Variants in ABR observed in about 807,000 individuals in gnomAD.
The protein encoded by ABR is active breakpoint cluster region-related protein.
Under a neutral mutation model 107.2 loss-of-function variants are expected in ABR, and 35 were observed. The ratio of observed to expected loss-of-function variants is 0.33; its 90% CI spans 0.25 to 0.43. The LOEUF (loss-of-function observed/expected upper bound fraction) is 0.43, where lower values mean the gene tolerates loss of function less well. Ranked by LOEUF, ABR falls within the 20% of genes least tolerant of loss-of-function variation. The probability of loss-of-function intolerance (pLI) is 1.00; values close to 1 mark genes in which losing one functional copy is unlikely to be tolerated. For missense variants in ABR, 815 were observed against 1,115.2 expected, an observed-to-expected ratio of 0.73 and a Z score of 3.83; for synonymous variants, 498 against 462.0, an observed-to-expected ratio of 1.08 and a Z score of -1.00.
In ABR at chr17:1,117,996, C is replaced by T. The variant is rs1390130384; in HGVS notation, c.246+7187G>A. Among the ~76,000 whole-genome samples, 3 of 86,060 alleles carry T rather than the reference C, an allele frequency of 3.5e-5. No individual in the cohort carries two copies. The East Asian group carries it at 8.7e-4, about 25-fold the overall frequency. 56.5% of individuals were successfully genotyped at this position (86,060 alleles called of 152,430 possible). On this transcript the variant is annotated intron_variant, in intron 2 of 22. Transcript: ENST00000302538. ...ATCCCTGAGCCTGAGTTCCTCCCAG[C>T]GTTATCCCTGAGCCTGAGTTCTCCC...
chr17:1,128,210 AG>A (rs1228871576), intron 1 of ABR, among the ~76,000 whole-genome samples: 1 of 152,190 alleles, frequency 6.6e-6, no homozygotes, highest in Non-Finnish European at 1.5e-5. Context: ...AACCAGGAAA[AG>A]GGGTACAGAA....
intron 1 of ABR, among the ~76,000 whole-genome samples, chr17:1,142,520 T>C (rs935083900): frequency 7.3e-5 from 11 of 150,636 alleles, no homozygotes; most frequent in Admixed American, 6.0e-4. Context: ...GGGAGGCGGA[T>C]GTTGCAGTGA....
intron 1 of ABR, among the ~76,000 whole-genome samples, chr17:1,208,023 G>A (rs1295636686): frequency 3.9e-5 from 6 of 152,018 alleles, no homozygotes; most frequent in Admixed American, 2.0e-4. Flanking sequence ...CACCCGCTTC[G>A]GCCTCCCAAA....
chr17:1,073,060 G>A (rs2035375123), intron 7 of ABR, among the ~76,000 whole-genome samples: 1 of 151,600 alleles, frequency 6.6e-6, no homozygotes, highest in African/African-American at 2.4e-5. Context: ...GGCGCCTGTA[G>A]TCCCAGCTAC....
At chr17:1,142,380 T>A (rs1597955179) in intron 1 of ABR, among the ~76,000 whole-genome samples, 2 of 151,410 alleles carry the variant, frequency 1.3e-5, no homozygotes, top group Admixed American at 6.6e-5. Flanking sequence ...AAGTCGAGAG[T>A]TCGAGACCAG....
At chr17:1,058,134 A>AACTT in intron 11 of ABR, 89 bp from the exon 12 acceptor site, 3 of 471,544 alleles carry the variant, frequency 6.4e-6, no homozygotes, top group Non-Finnish European at 1.0e-5. Flanking sequence ...AGCTCCTTTT[A>AACTT]TCTTTTTTTT....
chr17:1,052,397 G>A (rs2032680418), intron 14 of ABR, among the ~76,000 whole-genome samples: 1 of 135,402 alleles, frequency 7.4e-6, no homozygotes, highest in Admixed American at 7.3e-5. Flanking sequence ...GGGCTCACAG[G>A]GTCAGAGGGA....
At chr17:1,065,819 C>G (rs2034672966) in intron 10 of ABR, among the ~76,000 whole-genome samples, 1 of 147,656 alleles carries the variant, frequency 6.8e-6, no homozygotes, top group South Asian at 2.2e-4. Flanking sequence ...AATCTCAGCT[C>G]AATGCAACCT....
At chr17:1,142,853 G>C (rs2040345986) in intron 1 of ABR, among the ~76,000 whole-genome samples, 1 of 152,154 alleles carries the variant, frequency 6.6e-6, no homozygotes, top group African/African-American at 2.4e-5. Flanking sequence ...GCCACTGGGA[G>C]CACAGACAGC....
intron 16 of ABR, among the ~76,000 whole-genome samples, chr17:1,030,285 A>G (rs1244393760): frequency 6.6e-6 from 1 of 152,232 alleles, no homozygotes; most frequent in Non-Finnish European, 1.5e-5. Flanking sequence ...GGTAAACTGG[A>G]AGCGCCCTGT....
At chr17:1,013,029 G>A (rs2070765202) in intron 17 of ABR, 76 bp downstream of exon 17, 1 of 1,548,360 alleles carries the variant, frequency 6.5e-7, no homozygotes, top group Non-Finnish European at 8.9e-7. Flanking sequence ...GCAGCCACAG[G>A]GCCGGGCTGC....
intron 1 of ABR, among the ~76,000 whole-genome samples, chr17:1,147,811 C>G (rs2151518141): frequency 6.6e-6 from 1 of 152,352 alleles, no homozygotes; most frequent in Middle Eastern, 3.4e-3. Context: ...TCTCCTAACC[C>G]CACCCACGCC....
At chr17:1,031,656 G>A in intron 16 of ABR, 1 of 1,258,888 alleles carries the variant, frequency 7.9e-7, no homozygotes, top group Non-Finnish European at 1.0e-6. Flanking sequence ...GGTGTTGGGG[G>A]GGCGCTTGCT....
rs190061719 is a variant in ABR at position 1,132,503 on chromosome 17, C to T, written c.62-7136G>A. Among the ~76,000 whole-genome samples, 511 of 151,902 alleles carry T rather than the reference C, an allele frequency of 3.4e-3. 3 individuals carry two copies. The highest frequency in any genetic ancestry group is 0.012 in the African/African-American group (482 of 41,420). ...AAGCGATTCTCCCGTCTCAGCCTCC[C>T]GAGTAGCTGGGATTATAGGCATGCA... On this transcript the variant is annotated intron_variant, in intron 1 of 22. Transcript: ENST00000302538.
chr17:1,081,515 G>A (rs2036236336), intron 5 of ABR, among the ~76,000 whole-genome samples: 1 of 152,216 alleles, frequency 6.6e-6, no homozygotes, highest in African/African-American at 2.4e-5. Flanking sequence ...TGGGTAAGAG[G>A]CGTGGGCTCT....
chr17:1,205,721 G>A (rs1405314945), intron 1 of ABR, among the ~76,000 whole-genome samples: 2 of 152,230 alleles, frequency 1.3e-5, no homozygotes, highest in African/African-American at 2.4e-5. Flanking sequence ...CAGGCGGGCA[G>A]ATCACAAGAT....
chr17:1,189,489 G>A (rs865913140), upstream of ABR, among the ~76,000 whole-genome samples: 2 of 152,052 alleles, frequency 1.3e-5, no homozygotes, highest in South Asian at 4.2e-4. Flanking sequence ...ACTGCTGTCG[G>A]GATAGAGACC....
At chr17:1,055,108 C>A (rs899573220) in intron 14 of ABR, among the ~76,000 whole-genome samples, 9 of 152,146 alleles carry the variant, frequency 5.9e-5, no homozygotes, top group African/African-American at 2.2e-4. Flanking sequence ...CAGCAGCTCA[C>A]GCCTGTAATC....
intron 14 of ABR, among the ~76,000 whole-genome samples, chr17:1,053,790 C>T (rs544623759): frequency 1.2e-4 from 18 of 152,094 alleles, no homozygotes; most frequent in Non-Finnish European, 1.6e-4. Context: ...GAGGACCTCC[C>T]GGCCAACGGG....
Sources: gnomAD v4.1 joint callset for allele counts (sites outside exome capture counted in the v4.1 genomes callset) on GRCh38, gnomAD v4.1.1 for gene constraint, MANE v1.5 for transcripts, NCBI Gene and HGNC (gene_info 2026-07-23, HGNC 2026-07-21) for gene names.